The following DLG2 variants were observed in gnomAD, a reference collection of about 807,000 sequenced individuals.
The protein encoded by DLG2 is disks large homolog 2.
A neutral mutation model predicts 132.5 loss-of-function variants in DLG2; 45 were observed. The ratio of observed to expected loss-of-function variants is 0.34; its 90% CI spans 0.27 to 0.44. DLG2 has a LOEUF of 0.44. DLG2 is among the 20% of genes least tolerant of loss of function. The pLI is 1.00. For missense variants in DLG2, 1,045 were observed against 1,196.9 expected (o/e 0.87, Z 1.87); for synonymous variants, 424 against 419.6 (o/e 1.01, Z -0.13).
chr11:84,114,270 TG>T (rs2093517342), intron 9 of DLG2, among the ~76,000 whole-genome samples: 1 of 152,146 alleles, frequency 6.6e-6, no homozygotes, highest in Non-Finnish European at 1.5e-5. Flanking sequence ...GAGACCAAAA[TG>T]TTTTAGAACT....
intron 7 of DLG2, chr11:84,317,011 C>G (rs776597837): frequency 5.6e-6 from 9 of 1,612,674 alleles, no homozygotes; most frequent in East Asian, 2.2e-5. Flanking sequence ...GAGAACTGTA[C>G]CCGAGCCCCT....
intron 4 of DLG2, among the ~76,000 whole-genome samples, chr11:85,251,144 A>G (rs1446142951): frequency 6.6e-6 from 1 of 152,212 alleles, no homozygotes; most frequent in African/African-American, 2.4e-5. Flanking sequence ...GGATGGCCTT[A>G]TGACATGAAC....
intron 6 of DLG2, among the ~76,000 whole-genome samples, chr11:85,070,359 T>C (rs2065662705): frequency 6.6e-6 from 1 of 151,300 alleles, no homozygotes; most frequent in Non-Finnish European, 1.5e-5. Flanking sequence ...CACTCTTATA[T>C]TGACTGCAGC....
chr11:85,445,817 C>T (rs1400067914), intron 3 of DLG2, among the ~76,000 whole-genome samples: 4 of 152,136 alleles, frequency 2.6e-5, no homozygotes, highest in Admixed American at 6.5e-5. Flanking sequence ...TAGAACCTAA[C>T]ACAGTGGGCA....
At chr11:85,396,733 G>T (rs561221798) in intron 3 of DLG2, among the ~76,000 whole-genome samples, 8 of 152,212 alleles carry the variant, frequency 5.3e-5, no homozygotes, top group African/African-American at 1.7e-4. Context: ...AGAGAAAAAA[G>T]AATACAAAGA....
At chr11:83,870,708 C>T (rs931429886) in intron 16 of DLG2, among the ~76,000 whole-genome samples, 1 of 151,998 alleles carries the variant, frequency 6.6e-6, no homozygotes, top group Admixed American at 6.6e-5. Flanking sequence ...TGGTATTCAG[C>T]GGTGTGCATG....
intron 5 of DLG2, among the ~76,000 whole-genome samples, chr11:85,116,058 T>G (rs1417611805): frequency 6.6e-6 from 1 of 151,956 alleles, no homozygotes; most frequent in African/African-American, 2.4e-5. Flanking sequence ...TCTAAGGTAT[T>G]TGACAGATGA....
At chr11:84,171,505 T>C (rs1049506195) in intron 8 of DLG2, among the ~76,000 whole-genome samples, 1 of 152,202 alleles carries the variant, frequency 6.6e-6, no homozygotes, top group African/African-American at 2.4e-5. Flanking sequence ...TGAGTTATTT[T>C]ACTTAAGATA....
intron 6 of DLG2, among the ~76,000 whole-genome samples, chr11:84,906,612 G>C (rs2091547417): frequency 6.6e-6 from 1 of 152,018 alleles, no homozygotes; most frequent in African/African-American, 2.4e-5. Flanking sequence ...ATATAATGTA[G>C]GTAAAACTGA....
chr11:85,447,895 C>T (rs1007282031), intron 3 of DLG2, among the ~76,000 whole-genome samples: 8 of 152,130 alleles, frequency 5.3e-5, no homozygotes, highest in African/African-American at 1.9e-4. Flanking sequence ...GTTTCCCAAA[C>T]TGATCTTAAC....
chr11:83,628,740 A>G (rs534394134), intron 19 of DLG2, among the ~76,000 whole-genome samples: 1 of 152,280 alleles, frequency 6.6e-6, no homozygotes, highest in Admixed American at 6.5e-5. Context: ...TGTTTAATAT[A>G]AGGTAGTAAA....
At chr11:85,299,535 T>C (rs762689267) in intron 3 of DLG2, among the ~76,000 whole-genome samples, 3 of 152,184 alleles carry the variant, frequency 2.0e-5, no homozygotes, top group Non-Finnish European at 4.4e-5. Context: ...CTTTGCACTT[T>C]GCATTTATCT....
At chr11:83,613,491 T>G (rs2060397007) in intron 19 of DLG2, among the ~76,000 whole-genome samples, 1 of 152,230 alleles carries the variant, frequency 6.6e-6, no homozygotes, top group Non-Finnish European at 1.5e-5. Flanking sequence ...CTTACCAACC[T>G]TTTCAATCTG....
chr11:84,539,360 C>G (rs1041211819), intron 6 of DLG2, among the ~76,000 whole-genome samples: 10 of 152,116 alleles, frequency 6.6e-5, no homozygotes, highest in Admixed American at 5.2e-4. Context: ...ATTCTTACAC[C>G]CTGACTAAGA....
intron 6 of DLG2, among the ~76,000 whole-genome samples, chr11:84,834,998 G>T (rs559710311): frequency 6.6e-6 from 1 of 151,608 alleles, no homozygotes; most frequent in African/African-American, 2.4e-5. Context: ...ACTTTAGTAA[G>T]CTAATGTGTG....
intron 17 of DLG2, among the ~76,000 whole-genome samples, chr11:83,796,332 G>A (rs2042822561): frequency 6.6e-6 from 1 of 152,188 alleles, no homozygotes; most frequent in Non-Finnish European, 1.5e-5. Context: ...ACAGTTCTTT[G>A]TGTTGAATCT....
chr11:84,748,361 A>T (rs1414735055), intron 6 of DLG2, among the ~76,000 whole-genome samples: 2 of 152,214 alleles, frequency 1.3e-5, no homozygotes, highest in East Asian at 3.9e-4. Context: ...ATTTATGTTC[A>T]TTACAGGATG....
At chr11:84,042,346 T>TA (rs2096110863) in intron 11 of DLG2, among the ~76,000 whole-genome samples, 1 of 151,856 alleles carries the variant, frequency 6.6e-6, no homozygotes, top group Admixed American at 6.6e-5. Context: ...TAATAAATGG[T>TA]AAGCCTGGAT....
chr11:85,492,151 T>A (rs773807166), intron 3 of DLG2, among the ~76,000 whole-genome samples: 2 of 152,174 alleles, frequency 1.3e-5, no homozygotes, highest in Non-Finnish European at 2.9e-5. Flanking sequence ...TATGAAGTAA[T>A]ATACATGTTA....
Sources: allele counts gnomAD v4.1 joint callset (sites outside exome capture counted in the v4.1 genomes callset), GRCh38; gene constraint gnomAD v4.1.1; transcripts MANE v1.5; gene names NCBI Gene and HGNC (gene_info 2026-07-23, HGNC 2026-07-21).